FOCAD: variants seen among roughly 807,000 people sequenced by gnomAD.
FOCAD encodes focadhesin.
A neutral mutation model predicts 225.6 loss-of-function variants in FOCAD; 198 were observed. The observed-to-expected ratio is 0.88, with a 90% CI of 0.78 to 0.99. FOCAD has a LOEUF of 0.99. Among genes scored for constraint, FOCAD ranks in the 50% least tolerant of loss-of-function variants. The pLI, the probability that FOCAD is intolerant of heterozygous loss-of-function variation, is 0.00. For synonymous variants in FOCAD, 897 were observed against 755.0 expected, an observed-to-expected ratio of 1.19 and a Z score of -3.08; for missense variants, 2,713 against 2,123.6, an observed-to-expected ratio of 1.28 and a Z score of -5.46.
At chr9:20,939,711 GTTTTTAT>G (rs1184982244) in intron 28 of FOCAD, among the ~76,000 whole-genome samples, 3 of 142,822 alleles carry the variant, frequency 2.1e-5, no homozygotes, top group Admixed American at 6.9e-5. Context: ...ATTTTTTTTT[GTTTTTAT>G]TTTTTATTTT....
chr9:20,938,137 G>A (rs1303639294), intron 28 of FOCAD, among the ~76,000 whole-genome samples: 3 of 152,214 alleles, frequency 2.0e-5, no homozygotes, highest in Admixed American at 6.5e-5. Context: ...TGGTGGGACC[G>A]TAAACTAGTT....
chr9:20,664,011 A>C (rs772210209), intron 2 of FOCAD, among the ~76,000 whole-genome samples: 36 of 152,116 alleles, frequency 2.4e-4, no homozygotes, highest in Non-Finnish European at 5.1e-4. Context: ...AATGAGATCC[A>C]CTGAGACAGT....
chr9:20,897,574 A>G (rs1832201246), intron 21 of FOCAD, among the ~76,000 whole-genome samples: 1 of 151,694 alleles, frequency 6.6e-6, no homozygotes, highest in South Asian at 2.1e-4. Flanking sequence ...ACAGTATGCA[A>G]TATATATTTA....
intron 35 of FOCAD, among the ~76,000 whole-genome samples, chr9:20,955,522 CTTTTT>C (rs10715548): frequency 1.5e-5 from 2 of 136,566 alleles, no homozygotes. Flanking sequence ...ATAACTGGGT[CTTTTT>C]TTTTTTTTTT....
chr9:20,714,245 G>A (rs747049531), intron 1 of FOCAD, among the ~76,000 whole-genome samples: 22 of 152,168 alleles, frequency 1.4e-4, no homozygotes, highest in Middle Eastern at 3.4e-3. Context: ...TGAGTGTCAC[G>A]TCAGTGCTCA....
chr9:20,816,864 A>G lies in FOCAD; in HGVS notation c.1456-2932A>G, dbSNP rs535642985. On this transcript the variant is annotated intron_variant, in intron 11 of 43. Coordinates refer to ENST00000338382, the MANE Select transcript of FOCAD (RefSeq NM_001375567.1). Reference sequence around the variant, plus strand: ...ATAGTACAACAACTATTTACATAGCATTTACATTGTTTTAGGCATTATAAG... The same window carrying G: ...ATAGTACAACAACTATTTACATAGCGTTTACATTGTTTTAGGCATTATAAG... 3.3e-5 allele frequency among the ~76,000 whole-genome samples: 5 copies of G among 152,270 alleles called. No individual in the cohort carries two copies. In the East Asian group the frequency reaches 9.7e-4, roughly 29 times the overall value.
chr9:20,860,793 G>A (rs1039025645), intron 15 of FOCAD, among the ~76,000 whole-genome samples: 1 of 152,192 alleles, frequency 6.6e-6, no homozygotes, highest in African/African-American at 2.4e-5. Flanking sequence ...TTACAGGCGT[G>A]AGCCACCACG....
intron 15 of FOCAD, among the ~76,000 whole-genome samples, chr9:20,840,723 G>C (rs1440904564): frequency 6.6e-6 from 1 of 151,004 alleles, no homozygotes; most frequent in Admixed American, 6.6e-5. Context: ...TCTTTCTCTT[G>C]TCTAATTGCT....
Position 20,866,917 on chromosome 9 carries a change from T to TTTTTTTTTTTTTAAAA in FOCAD, c.2107-12_2107-11insTTTTTTTTTTTTAAAA. 2.6e-6 allele frequency: 2 copies of TTTTTTTTTTTTTAAAA among 764,972 alleles called. No individual in the cohort carries two copies. The highest frequency in any genetic ancestry group is 4.0e-6 in the Non-Finnish European group (2 of 498,468). The allele number at this position is 764,972 out of a possible 1,614,324, so 47.4% of individuals were successfully genotyped here. ...TTTTTTTTTTTTTTTTTTTTTTTTT[T>TTTTTTTTTTTTTAAAA]ACCCTATCTAGGACCCAATTGTAGC... On this transcript the variant is annotated splice_polypyrimidine_tract_variant and intron_variant, in intron 17 of 43. Transcript: ENST00000338382.
intron 8 of FOCAD, among the ~76,000 whole-genome samples, chr9:20,777,117 A>T (rs1587123286): frequency 6.6e-6 from 1 of 152,094 alleles, no homozygotes; most frequent in Non-Finnish European, 1.5e-5. Flanking sequence ...AAACAAGCAC[A>T]TGAGAGGATT....
intron 1 of FOCAD, among the ~76,000 whole-genome samples, chr9:20,684,939 C>T (rs896527125): frequency 3.5e-4 from 53 of 152,220 alleles, no homozygotes; most frequent in African/African-American, 1.2e-3. Context: ...CGCGTGGAGA[C>T]GTGCAGTTAT....
intron 11 of FOCAD, among the ~76,000 whole-genome samples, chr9:20,819,425 G>T (rs1252246569): frequency 2.6e-5 from 4 of 151,998 alleles, no homozygotes; most frequent in Non-Finnish European, 5.9e-5. Context: ...TGTTGCCCAG[G>T]CTGGTCTTGA....
intron 2 of FOCAD, among the ~76,000 whole-genome samples, chr9:20,716,469 C>A (rs1490850678): frequency 6.6e-6 from 1 of 152,026 alleles, no homozygotes; most frequent in African/African-American, 2.4e-5. Context: ...AGGCTAGTAT[C>A]TCTGATTTGT....
At chr9:20,790,906 C>G (rs2131189860) in intron 11 of FOCAD, among the ~76,000 whole-genome samples, 1 of 152,218 alleles carries the variant, frequency 6.6e-6, no homozygotes, top group South Asian at 2.1e-4. Flanking sequence ...TCTGACTGGA[C>G]CTCATCTGTT....
intron 4 of FOCAD, among the ~76,000 whole-genome samples, chr9:20,731,711 G>A (rs1010491208): frequency 6.6e-6 from 1 of 151,976 alleles, no homozygotes; most frequent in South Asian, 2.1e-4. Context: ...TCTCCCTCCC[G>A]GGTTCAAGCG....
intron 30 of FOCAD, among the ~76,000 whole-genome samples, chr9:20,947,908 G>C (rs1307064565): frequency 6.6e-6 from 1 of 151,736 alleles, no homozygotes; most frequent in African/African-American, 2.4e-5. Flanking sequence ...GCTTTTTATG[G>C]GATGCTTTCT....
intron 8 of FOCAD, among the ~76,000 whole-genome samples, chr9:20,777,838 C>G (rs910012013): frequency 6.6e-6 from 1 of 152,028 alleles, no homozygotes; most frequent in African/African-American, 2.4e-5. Context: ...CTCGGTGGCT[C>G]ACGCCTGTAA....
intron 2 of FOCAD, among the ~76,000 whole-genome samples, chr9:20,664,641 CT>C (rs558613749): frequency 6.6e-4 from 91 of 138,458 alleles, no homozygotes; most frequent in Non-Finnish European, 7.6e-4. Flanking sequence ...TCTTTCCTTT[CT>C]TTTTTTTTTT....
intron 1 of FOCAD, among the ~76,000 whole-genome samples, chr9:20,692,808 G>T (rs1823053230): frequency 6.6e-6 from 1 of 152,196 alleles, no homozygotes; most frequent in African/African-American, 2.4e-5. Flanking sequence ...GTTGGTGAGA[G>T]CAGGTCACCA....
Sources: allele counts gnomAD v4.1 joint callset (sites outside exome capture counted in the v4.1 genomes callset), GRCh38; gene constraint gnomAD v4.1.1; transcripts MANE v1.5; gene names NCBI Gene and HGNC (gene_info 2026-07-23, HGNC 2026-07-21).